The following ETFDH variants were observed in gnomAD, a reference collection of about 807,000 sequenced individuals.
ETFDH encodes the protein electron transfer flavoprotein-ubiquinone oxidoreductase, mitochondrial.
Under a neutral mutation model 73.2 loss-of-function variants are expected in ETFDH, and 61 were observed. The ratio of observed to expected loss-of-function variants is 0.83; its 90% CI spans 0.68 to 1.03. The LOEUF (loss-of-function observed/expected upper bound fraction) is 1.03. Ranked by LOEUF, ETFDH falls within the 50% of genes least tolerant of loss-of-function variation. The probability of loss-of-function intolerance (pLI) is 0.00; values close to 1 mark genes in which losing one functional copy is unlikely to be tolerated. For synonymous variants in ETFDH, 243 were observed against 253.3 expected (o/e 0.96, Z 0.39); for missense variants, 685 against 745.0 (o/e 0.92, Z 0.94).
intron 9 of ETFDH, among the ~76,000 whole-genome samples, chr4:158,701,600 C>CA (rs1425792421): frequency 6.6e-6 from 1 of 152,210 alleles, no homozygotes; most frequent in Non-Finnish European, 1.5e-5. Flanking sequence ...GCTGTGGCGA[C>CA]AGAGTGCTCA....
chr4:158,685,669 A>C (rs983965399), intron 5 of ETFDH, among the ~76,000 whole-genome samples: 1 of 152,184 alleles, frequency 6.6e-6, no homozygotes, highest in Non-Finnish European at 1.5e-5. Context: ...CTGCCCTCTG[A>C]AGGTTCACCA....
At chr4:158,684,326 G>T (rs1773943335) in intron 3 of ETFDH, among the ~76,000 whole-genome samples, 2 of 151,524 alleles carry the variant, frequency 1.3e-5, no homozygotes, top group African/African-American at 4.9e-5. Flanking sequence ...GGAGGCAGAG[G>T]CTACAGTGAG....
At chr4:158,687,916 T>G (rs1774047960) in intron 5 of ETFDH, among the ~76,000 whole-genome samples, 1 of 151,794 alleles carries the variant, frequency 6.6e-6, no homozygotes, top group Admixed American at 6.6e-5. Flanking sequence ...GGCACGTGCC[T>G]GTAATCCTAG....
At chr4:158,704,398 G>T (rs548459269) in intron 10 of ETFDH, among the ~76,000 whole-genome samples, 4 of 152,232 alleles carry the variant, frequency 2.6e-5, no homozygotes, top group African/African-American at 9.6e-5. Flanking sequence ...AGCCACACTG[G>T]CTTCTTTACA....
chr4:158,688,220 C>G (rs1224815905), intron 5 of ETFDH, among the ~76,000 whole-genome samples: 3 of 147,776 alleles, frequency 2.0e-5, no homozygotes, highest in Non-Finnish European at 4.5e-5. Flanking sequence ...GGTGAAACCC[C>G]CTCTCTACTA....
chr4:158,706,536 G>A lies in ETFDH; in HGVS notation c.1469-93G>A. On this transcript the variant is annotated intron_variant, in intron 11 of 12. Transcript: ENST00000511912. ...TGAGGGCTAGTCATATTTCTTTGGT[G>A]TGATAATATTTTGAAGTTTTTATAC... 2.6e-6 allele frequency: 3 copies of A among 1,164,172 alleles called. No individual in the cohort carries two copies. In the South Asian group the frequency reaches 3.7e-5, roughly 14 times the overall value. 72.1% of individuals were successfully genotyped at this position (1,164,172 alleles called of 1,614,324 possible).
At chr4:158,682,650 C>T (rs1773894806) in intron 3 of ETFDH, among the ~76,000 whole-genome samples, 2 of 151,954 alleles carry the variant, frequency 1.3e-5, no homozygotes, top group African/African-American at 4.8e-5. Flanking sequence ...TCTCCTGCCT[C>T]AGTCTCCCTA....
intron 8 of ETFDH, 148 bp downstream of exon 8, chr4:158,697,847 G>A: frequency 1.4e-6 from 1 of 738,706 alleles, no homozygotes. Context: ...GCTTATGGCT[G>A]CTGTGTCATT....
intron 2 of ETFDH, 135 bp downstream of exon 2, chr4:158,680,742 G>A: frequency 1.4e-6 from 1 of 740,052 alleles, no homozygotes; most frequent in South Asian, 1.6e-5. Flanking sequence ...GTCACATGCT[G>A]CATAATGACC....
chr4:158,708,043 T>C (rs935705562), intron 12 of ETFDH, among the ~76,000 whole-genome samples: 3 of 152,222 alleles, frequency 2.0e-5, no homozygotes, highest in Non-Finnish European at 4.4e-5. Context: ...ACTGGGGATC[T>C]TGGAACTTGT....
chr4:158,700,881 TGA>T, intron 9 of ETFDH: 1 of 152,126 alleles, frequency 6.6e-6, no homozygotes, highest in African/African-American at 2.4e-5. Context: ...TTAGGAAGAG[TGA>T]GAGGGAAAGG....
At chr4:158,702,075 G>A (rs968937555) in intron 9 of ETFDH, among the ~76,000 whole-genome samples, 1 of 152,052 alleles carries the variant, frequency 6.6e-6, no homozygotes, top group Admixed American at 6.6e-5. Flanking sequence ...ATCCCTAGCT[G>A]TCAAAGTAAA....
Position 158,680,549 on chromosome 4 carries a change from G to A in ETFDH, c.117G>A (p.Val39=), listed in dbSNP as rs2150304380. 1 of 1,607,038 alleles carries A rather than the reference G, an allele frequency of 6.2e-7. No individual in the cohort carries two copies. The highest frequency in any genetic ancestry group is 8.5e-7 in the Non-Finnish European group (1 of 1,173,724). The change falls in exon 2 of 13, where the codon GTG becomes GTA. Residue 39 remains valine, a synonymous_variant. Coordinates refer to ENST00000511912, the MANE Select transcript of ETFDH (RefSeq NM_004453.4). ...CAAGATGGTCTTCAACTTCTACTGT[G>A]CCTCGAATTACTACCCATTATACTA... is the stretch of plus-strand genomic sequence containing the variant. ...CATRWSSTST[V]PRITTHYTIY... is the part of the protein sequence containing the mutation.
At chr4:158,705,997 C>A (rs913053359) in intron 10 of ETFDH, among the ~76,000 whole-genome samples, 192 bp from the exon 11 acceptor site, 2 of 152,116 alleles carry the variant, frequency 1.3e-5, no homozygotes, top group African/African-American at 2.4e-5. Context: ...GGGAGGATGG[C>A]TTGAATCTAG....
At chr4:158,681,063 AAG>A (rs1773846897) in intron 2 of ETFDH, among the ~76,000 whole-genome samples, 1 of 152,104 alleles carries the variant, frequency 6.6e-6, no homozygotes, top group Non-Finnish European at 1.5e-5. Flanking sequence ...TTTTTTTAAA[AAG>A]TTAACTGTAA....
intron 7 of ETFDH, 56 bp from the exon 8 acceptor site, chr4:158,697,503 A>G (rs1774338245): frequency 1.3e-6 from 2 of 1,503,402 alleles, no homozygotes; most frequent in Admixed American, 3.5e-5. Flanking sequence ...TTGTGGTGAC[A>G]TAAAAACATT....
chr4:158,674,237 T>A (rs1773658043), intron 1 of ETFDH, among the ~76,000 whole-genome samples: 1 of 152,204 alleles, frequency 6.6e-6, no homozygotes, highest in Non-Finnish European at 1.5e-5. Context: ...AATATACTTT[T>A]TTTTTTCCAA....
chr4:158,682,161 G>A (rs1773875721), intron 2 of ETFDH, 34 bp from the exon 3 acceptor site: 2 of 1,612,040 alleles, frequency 1.2e-6, no homozygotes, highest in African/African-American at 1.3e-5. Flanking sequence ...TGATTATTGG[G>A]TTATATTAAT....
Position 158,681,907 on chromosome 4 carries a change from AGTGACTT to A in ETFDH, c.176-281_176-275del. ...TTCTCAGAAAGCATTTCTGTCATTA[AGTGACTT>A]GTGACTGTATTTTACACAAGTAAAT... On this transcript the variant is annotated intron_variant, in intron 2 of 12. Transcript: ENST00000511912. The A allele has an allele frequency of 1.4e-5, 6 of 417,776 alleles. 2 individuals are homozygous for A. Among genetic ancestry groups the A allele is most frequent in the Non-Finnish European group, 2.6e-5 (6 of 228,640 alleles). 25.9% of individuals were successfully genotyped at this position (417,776 alleles called of 1,614,324 possible).
Sources: gnomAD v4.1 joint callset for allele counts (sites outside exome capture counted in the v4.1 genomes callset) on GRCh38, gnomAD v4.1.1 for gene constraint, MANE v1.5 for transcripts, NCBI Gene and HGNC (gene_info 2026-07-23, HGNC 2026-07-21) for gene names.